The following PTPRD variants were observed in gnomAD, a reference collection of about 807,000 sequenced individuals.
The protein encoded by PTPRD is receptor-type tyrosine-protein phosphatase delta.
Under a neutral mutation model 214.5 loss-of-function variants are expected in PTPRD, and 34 were observed. The observed-to-expected ratio is 0.16, with a 90% CI of 0.12 to 0.21. The LOEUF (loss-of-function observed/expected upper bound fraction) is 0.21. PTPRD is among the 10% of genes least tolerant of loss of function. The pLI, the probability that PTPRD is intolerant of heterozygous loss-of-function variation, is 1.00. For missense variants in PTPRD, 2,545 were observed against 2,398.7 expected (o/e 1.06, Z -1.27); for synonymous variants, 1,128 against 845.7 (o/e 1.33, Z -5.79).
chr9:9,177,596 G>C (rs534421062), intron 10 of PTPRD, among the ~76,000 whole-genome samples: 1 of 151,970 alleles, frequency 6.6e-6, no homozygotes, highest in African/African-American at 2.4e-5. Flanking sequence ...TATGTCTAAT[G>C]CTTGATTAAT....
rs903620785 is a variant in PTPRD, at chr9:9,025,311, A to T, written c.-142-6576T>A. On this transcript the variant is annotated intron_variant, in intron 10 of 45. Transcript: ENST00000381196. Reference sequence around the variant, plus strand: ...GTCTGCAGTACTATCTTTGTGAAAGACTTTCCTATGTTCTGATAAGCTGAC... The same window carrying T: ...GTCTGCAGTACTATCTTTGTGAAAGTCTTTCCTATGTTCTGATAAGCTGAC... Among the ~76,000 whole-genome samples the T allele has an allele frequency of 2.6e-5, 4 of 152,028 alleles. No homozygotes were observed. The East Asian group carries it at 7.7e-4, about 29-fold the overall frequency.
intron 5 of PTPRD, among the ~76,000 whole-genome samples, chr9:9,777,210 T>G (rs1430225155): frequency 6.6e-6 from 1 of 152,098 alleles, no homozygotes; most frequent in African/African-American, 2.4e-5. Flanking sequence ...AAATACATTT[T>G]TAAAAACATT....
At chr9:8,431,854 G>C (rs1373099329) in intron 35 of PTPRD, among the ~76,000 whole-genome samples, 1 of 152,200 alleles carries the variant, frequency 6.6e-6, no homozygotes, top group South Asian at 2.1e-4. Context: ...AAATGAGTTA[G>C]GGAGGAGTCC....
At chr9:9,776,775 T>C (rs576447240) in intron 5 of PTPRD, among the ~76,000 whole-genome samples, 1 of 152,326 alleles carries the variant, frequency 6.6e-6, no homozygotes, top group East Asian at 1.9e-4. Context: ...GGAAGATCAA[T>C]ATAGTCTCAT....
intron 5 of PTPRD, among the ~76,000 whole-genome samples, chr9:9,784,071 A>C: frequency 6.6e-6 from 1 of 152,190 alleles, no homozygotes; most frequent in African/African-American, 2.4e-5. Flanking sequence ...GTCGTCAGAC[A>C]GATTTACAGA....
At position 8,771,008 on chromosome 9, in the gene PTPRD, T is replaced by C. The variant is rs374807914; in HGVS notation, c.-103-37062A>G. 5.9e-5 allele frequency among the ~76,000 whole-genome samples: 9 copies of C among 151,550 alleles called. No individual in the cohort carries two copies. In the East Asian group the frequency reaches 7.8e-4, roughly 13 times the overall value. Reference sequence around the variant, plus strand: ...TCCTGGCTAATACGGTGAAACCCCGTCTCTACTAAAAATACAAAAAAAATT... The same window carrying C: ...TCCTGGCTAATACGGTGAAACCCCGCCTCTACTAAAAATACAAAAAAAATT... On this transcript the variant is annotated intron_variant, in intron 11 of 45. Coordinates refer to ENST00000381196, the MANE Select transcript of PTPRD (RefSeq NM_002839.4).
intron 3 of PTPRD, among the ~76,000 whole-genome samples, chr9:10,112,843 T>C (rs1402535754): frequency 6.6e-6 from 1 of 152,212 alleles, no homozygotes; most frequent in African/African-American, 2.4e-5. Context: ...TCACGTCTTG[T>C]CTTAAAATAT....
intron 2 of PTPRD, among the ~76,000 whole-genome samples, chr9:10,592,499 C>T (rs962550973): frequency 6.6e-6 from 1 of 151,944 alleles, no homozygotes; most frequent in Non-Finnish European, 1.5e-5. Context: ...ACCCCAGCTA[C>T]AGGTAATAGC....
intron 11 of PTPRD, among the ~76,000 whole-genome samples, chr9:8,932,117 A>T (rs1284212477): frequency 1.3e-5 from 2 of 151,980 alleles, no homozygotes; most frequent in Non-Finnish European, 2.9e-5. Flanking sequence ...CCGCTCCTGG[A>T]TTCGTTGATT....
chr9:8,728,861 T>C (rs1392569510), intron 12 of PTPRD, among the ~76,000 whole-genome samples: 1 of 152,018 alleles, frequency 6.6e-6, no homozygotes, highest in African/African-American at 2.4e-5. Context: ...GGGCCTGTAA[T>C]CCCAGCTACT....
chr9:10,557,314 A>G (rs1394739515), intron 2 of PTPRD, among the ~76,000 whole-genome samples: 4 of 152,176 alleles, frequency 2.6e-5, no homozygotes, highest in Admixed American at 1.3e-4. Flanking sequence ...AAATGTCAAC[A>G]TAACACAGTA....
At chr9:8,584,086 C>G (rs749280677) in intron 14 of PTPRD, among the ~76,000 whole-genome samples, 6 of 152,120 alleles carry the variant, frequency 3.9e-5, no homozygotes, top group Middle Eastern at 6.8e-3. Flanking sequence ...CCTGGTAGTT[C>G]GAGGCTGTAG....
intron 9 of PTPRD, among the ~76,000 whole-genome samples, chr9:9,271,896 T>C (rs1325987440): frequency 6.6e-6 from 1 of 151,298 alleles, no homozygotes; most frequent in Non-Finnish European, 1.5e-5. Flanking sequence ...ATAGCAGCAG[T>C]TCCTTAAAGG....
intron 14 of PTPRD, among the ~76,000 whole-genome samples, chr9:8,622,841 T>C (rs755578670): frequency 4.6e-5 from 7 of 151,938 alleles, no homozygotes; most frequent in Non-Finnish European, 1.0e-4. Flanking sequence ...ATTCATTCAT[T>C]CCATCAAGAA....
At chr9:9,126,015 G>T (rs1012703725) in intron 10 of PTPRD, among the ~76,000 whole-genome samples, 2 of 152,062 alleles carry the variant, frequency 1.3e-5, no homozygotes, top group Non-Finnish European at 2.9e-5. Context: ...CAGAATGGAG[G>T]GTATCATGCC....
intron 4 of PTPRD, among the ~76,000 whole-genome samples, chr9:10,001,331 AG>A (rs1450193754): frequency 6.6e-6 from 1 of 152,192 alleles, no homozygotes; most frequent in African/African-American, 2.4e-5. Flanking sequence ...GGAGAGAAAA[AG>A]GGGTCCAAAA....
In PTPRD at chr9:10,090,919, TACACAC is replaced by T. The variant is rs1162698970; in HGVS notation, c.-544-57135_-544-57130del. The stretch of plus-strand genomic sequence containing the variant: ...GACATTTGTGTATATAAATGAAATA[TACACAC>T]ACACACACACACACACACACACACA... On this transcript the variant is annotated intron_variant, in intron 3 of 45. Transcript: ENST00000381196. Among the ~76,000 whole-genome samples the T allele has an allele frequency of 6.7e-3, 671 of 99,648 alleles. 6 individuals carry two copies. The highest frequency in any genetic ancestry group is 0.021 in the African/African-American group (585 of 27,370). The allele number at this position is 99,648 out of a possible 152,430, so 65.4% of individuals were successfully genotyped here. A position where few individuals can be genotyped will look rare whatever the true frequency, so the allele number is the denominator to read the frequency against.
chr9:8,992,107 G>T (rs908483407), intron 11 of PTPRD, among the ~76,000 whole-genome samples: 3 of 152,046 alleles, frequency 2.0e-5, no homozygotes, highest in African/African-American at 7.2e-5. Context: ...GCCCAAACAA[G>T]GACTCTGATG....
intron 2 of PTPRD, among the ~76,000 whole-genome samples, chr9:10,439,086 CT>C (rs1251941266): frequency 3.3e-5 from 5 of 151,842 alleles, no homozygotes; most frequent in Non-Finnish European, 7.4e-5. Flanking sequence ...CTTACCTTCA[CT>C]TGCCACTGAG....
Sources: allele counts gnomAD v4.1 joint callset (sites outside exome capture counted in the v4.1 genomes callset), GRCh38; gene constraint gnomAD v4.1.1; transcripts MANE v1.5; gene names NCBI Gene and HGNC (gene_info 2026-07-23, HGNC 2026-07-21).